Variants in FBXO21 observed in about 807,000 individuals in gnomAD.
FBXO21 encodes the protein F-box protein 21.
A neutral mutation model predicts 76.6 loss-of-function variants in FBXO21; 32 were observed. The ratio of observed to expected loss-of-function variants is 0.42; its 90% CI spans 0.32 to 0.56. FBXO21 has a LOEUF of 0.56. FBXO21 is among the 20% of genes least tolerant of loss of function. The pLI is 0.16. For synonymous variants in FBXO21, 328 were observed against 311.5 expected (o/e 1.05, Z -0.56); for missense variants, 586 against 797.3 (o/e 0.73, Z 3.19).
chr12:117,146,225 TC>T lies in FBXO21; in HGVS notation c.1727del (p.Gly576AspfsTer44). ...TGCCAGTAAACTCTGAGAAATAGCG[TC>T]CCACGTCAGGGTGTGAGATTTCTTG... The part of the protein sequence containing the change: ...EPQEISHPDV[G>X]RYFSEFTGTH... On this transcript the variant is annotated frameshift_variant, in exon 12 of 12. Coordinates refer to ENST00000622495, the MANE Select transcript of FBXO21 (RefSeq NM_015002.3). LOFTEE classifies it high-confidence loss of function. The T allele has an allele frequency of 6.2e-7, 1 of 1,613,680 alleles. No individual in the cohort carries two copies. Among genetic ancestry groups the T allele is most frequent in the Non-Finnish European group, 8.5e-7 (1 of 1,179,920 alleles).
In FBXO21 at chr12:117,190,416, G is replaced by A. The variant is rs757237900; in HGVS notation, c.41C>T (p.Pro14Leu). ...AAVDSAMEVV[P>L]ALAEEAAPEV... ...CGGCGCGGCCTCCTCCGCCAGCGCC[G>A]GCACCACCTCCATCGCGCTGTCGAC... The change falls in exon 1 of 12, where the codon CCG becomes CTG. Residue 14 changes from proline to leucine, a missense_variant. This residue lies in a region of FBXO21 where 152 missense variants were observed against 127.2 expected (regional missense o/e 1.19). Transcript: ENST00000622495. 147 of 1,475,822 alleles carry A rather than the reference G, an allele frequency of 1.0e-4. No homozygotes were observed. The African/African-American group carries it at 1.4e-3, about 14-fold the overall frequency. 91.4% of individuals were successfully genotyped at this position (1,475,822 alleles called of 1,614,324 possible).
chr12:117,163,859 G>A (rs564982182), intron 9 of FBXO21, among the ~76,000 whole-genome samples: 14 of 152,004 alleles, frequency 9.2e-5, no homozygotes, highest in Non-Finnish European at 1.8e-4. Flanking sequence ...CAGGGGAATT[G>A]CTTGAACCTG....
chr12:117,149,566 T>C (rs76369646), intron 11 of FBXO21, among the ~76,000 whole-genome samples: 1,983 of 152,300 alleles, frequency 0.013, 35 homozygotes, highest in African/African-American at 0.044. Context: ...TGTTTGGTTG[T>C]AACTGAGAGC....
chr12:117,169,666 T>C (rs562196309), intron 7 of FBXO21, among the ~76,000 whole-genome samples: 56 of 152,148 alleles, frequency 3.7e-4, no homozygotes, highest in Non-Finnish European at 6.6e-4. Context: ...GCATGCCTGC[T>C]GGTGAATTTT....
intron 9 of FBXO21, among the ~76,000 whole-genome samples, chr12:117,162,589 A>G (rs113244156): frequency 1.3e-3 from 204 of 152,310 alleles, no homozygotes; most frequent in African/African-American, 4.7e-3. Flanking sequence ...ATAACCCTGC[A>G]TTACTGTGAC....
At chr12:117,172,823 A>T (rs543053755) in intron 6 of FBXO21, among the ~76,000 whole-genome samples, 52 of 152,308 alleles carry the variant, frequency 3.4e-4, no homozygotes, top group African/African-American at 1.1e-3. Context: ...TGTAAGAAGA[A>T]GTTTTATGTT....
chr12:117,147,685 C>A (rs571023355), intron 11 of FBXO21, among the ~76,000 whole-genome samples: 10 of 152,044 alleles, frequency 6.6e-5, no homozygotes, highest in African/African-American at 2.4e-4. Context: ...TGGAACAAGG[C>A]TCCTCCACAG....
At chr12:117,163,603 TAAC>T (rs980829443) in intron 9 of FBXO21, among the ~76,000 whole-genome samples, 62 of 151,772 alleles carry the variant, frequency 4.1e-4, no homozygotes, top group African/African-American at 1.5e-3. Context: ...CATAAAAACT[TAAC>T]AAGTCTAAAG....
intron 3 of FBXO21, among the ~76,000 whole-genome samples, chr12:117,178,179 C>G (rs527608983): frequency 2.0e-5 from 3 of 152,204 alleles, no homozygotes; most frequent in Admixed American, 1.3e-4. Flanking sequence ...CATCTCTGAT[C>G]AAGGCATCTC....
rs1278628312 is a variant in FBXO21, at chr12:117,143,402, A to G, written c.*2685T>C. 2.0e-5 allele frequency: 3 copies of G among 152,230 alleles called. No homozygotes were observed. The highest frequency in any genetic ancestry group is 4.4e-5 in the Non-Finnish European group (3 of 68,038). 9.4% of individuals were successfully genotyped at this position (152,230 alleles called of 1,614,324 possible). On this transcript the variant is annotated 3_prime_UTR_variant, in exon 12 of 12. Coordinates refer to ENST00000622495, the MANE Select transcript of FBXO21 (RefSeq NM_015002.3). ...CATAGTAGGTAGTAACATCACACGGAAACAGTGCTCTGAAGACATTCTGGA... is the reference window on the plus strand; with the variant it reads ...CATAGTAGGTAGTAACATCACACGGGAACAGTGCTCTGAAGACATTCTGGA...
intron 3 of FBXO21, among the ~76,000 whole-genome samples, chr12:117,178,719 TCTC>T (rs1048761858): frequency 2.0e-5 from 3 of 151,950 alleles, no homozygotes; most frequent in Non-Finnish European, 4.4e-5. Context: ...GTTCTCACCT[TCTC>T]CTAGGTTTCA....
intron 2 of FBXO21, among the ~76,000 whole-genome samples, chr12:117,187,553 G>A (rs905115332): frequency 5.3e-5 from 8 of 151,230 alleles, no homozygotes; most frequent in African/African-American, 1.9e-4. Context: ...GGAACGCCAA[G>A]ATCCCGGGCC....
rs1307834596 is a variant in FBXO21, at chr12:117,145,340, T to C, written c.*747A>G. 1 of 152,094 alleles carries C rather than the reference T, an allele frequency of 6.6e-6. No homozygotes were observed. Among genetic ancestry groups the C allele is most frequent in the Non-Finnish European group, 1.5e-5 (1 of 68,018 alleles). The allele number at this position is 152,094 out of a possible 1,614,324, so 9.4% of individuals were successfully genotyped here. ...AAAATCCATTCACAAAGTTCACTATTTGCATTTTCTAAAAGAATTTTATGT... is the reference window on the plus strand; with the variant it reads ...AAAATCCATTCACAAAGTTCACTATCTGCATTTTCTAAAAGAATTTTATGT... On this transcript the variant is annotated 3_prime_UTR_variant, in exon 12 of 12. Coordinates refer to ENST00000622495, the MANE Select transcript of FBXO21 (RefSeq NM_015002.3).
intron 9 of FBXO21, 140 bp from the exon 10 acceptor site, chr12:117,158,203 T>A: frequency 1.1e-6 from 1 of 892,366 alleles, no homozygotes; most frequent in Non-Finnish European, 1.7e-6. Flanking sequence ...ATCGAACCGG[T>A]CCAGGTCTCT....
At chr12:117,181,063 A>C (rs1183859905) in intron 3 of FBXO21, among the ~76,000 whole-genome samples, 1 of 152,224 alleles carries the variant, frequency 6.6e-6, no homozygotes. Context: ...CCCTCATTTG[A>C]ATTTAAATCT....
chr12:117,188,873 ATC>A (rs1956315764), intron 2 of FBXO21: 3 of 234,238 alleles, frequency 1.3e-5, no homozygotes, highest in East Asian at 1.9e-4. Context: ...ACAGTGTTCA[ATC>A]ATTGATGATT....
chr12:117,186,126 CT>C (rs1178176112), intron 3 of FBXO21, among the ~76,000 whole-genome samples: 1 of 152,202 alleles, frequency 6.6e-6, no homozygotes, highest in Non-Finnish European at 1.5e-5. Context: ...ATCCGCCCAT[CT>C]CGGCCTCCCA....
chr12:117,189,452 G>C, intron 1 of FBXO21, 90 bp from the exon 2 acceptor site: 6 of 1,392,986 alleles, frequency 4.3e-6, no homozygotes, highest in South Asian at 1.2e-5. Flanking sequence ...AGGGACAGCA[G>C]TGGCGTCCAG....
chr12:117,178,734 C>A (rs919126943), intron 3 of FBXO21, among the ~76,000 whole-genome samples: 1 of 152,130 alleles, frequency 6.6e-6, no homozygotes, highest in Non-Finnish European at 1.5e-5. Flanking sequence ...TAGGTTTCAA[C>A]TCAAATGTCC....
Sources: allele counts gnomAD v4.1 joint callset (sites outside exome capture counted in the v4.1 genomes callset), GRCh38; gene constraint gnomAD v4.1.1; regional missense constraint gnomAD v4.1.1; transcripts MANE v1.5; gene names NCBI Gene and HGNC (gene_info 2026-07-23, HGNC 2026-07-21).